Variants in EPB41L1 observed in about 807,000 individuals in gnomAD.
EPB41L1 encodes the protein erythrocyte membrane protein band 4.1 like 1, also known as band 4.1-like protein 1.
In EPB41L1, 29 loss-of-function variants were observed where a neutral mutation model predicts 97.8. The ratio of observed to expected loss-of-function variants is 0.30; its 90% CI spans 0.22 to 0.40. EPB41L1 has a LOEUF of 0.40. EPB41L1 is among the 10% of genes least tolerant of loss of function. The pLI, the probability that EPB41L1 is intolerant of heterozygous loss-of-function variation, is 1.00. For missense variants in EPB41L1, 812 were observed against 1,162.3 expected (o/e 0.70, Z 4.38); for synonymous variants, 383 against 459.2 (o/e 0.83, Z 2.12).
At chr20:36,099,996 A>C (rs892919874) in intron 1 of EPB41L1, among the ~76,000 whole-genome samples, 1 of 151,816 alleles carries the variant, frequency 6.6e-6, no homozygotes, top group Non-Finnish European at 1.5e-5. Context: ...TTCTGTTATC[A>C]CTCTGGCTAT....
intron 1 of EPB41L1, among the ~76,000 whole-genome samples, chr20:36,172,704 G>A (rs1470252103): frequency 6.6e-6 from 1 of 152,114 alleles, no homozygotes; most frequent in African/African-American, 2.4e-5. Flanking sequence ...AGGTTCAAGC[G>A]ATTCTCCTGC....
chr20:36,180,487 G>A (rs1467146062), intron 5 of EPB41L1, among the ~76,000 whole-genome samples: 1 of 152,160 alleles, frequency 6.6e-6, no homozygotes, highest in Non-Finnish European at 1.5e-5. Context: ...AATGACATAT[G>A]TATGGACAGC....
upstream of EPB41L1, chr20:36,154,594 C>A (rs2060201820): frequency 2.7e-6 from 2 of 734,066 alleles, no homozygotes; most frequent in Non-Finnish European, 3.3e-6. This position sits in a 1 kb window ranked among gnomAD's most constrained non-coding sequence, Gnocchi z 5.5. Flanking sequence ...GGGAGGCAGG[C>A]GCAAGCGGCG....
rs1297168552 is a variant in EPB41L1, at chr20:36,190,979, C to G, written c.1300+182C>G. ...CAGCTCTTGGTGGCTTAGTCCCAAC[C>G]TAGAGCTCACTCCCACTTGAGATGT... On this transcript the variant is annotated intron_variant, in intron 11 of 21. Coordinates refer to ENST00000338074, the MANE Select transcript of EPB41L1 (RefSeq NM_012156.2). The surrounding 1 kb of genome is among the most constrained non-coding windows in gnomAD (Gnocchi z 5.8). 6.6e-6 allele frequency among the ~76,000 whole-genome samples: 1 copy of G among 152,150 alleles called. No homozygotes were observed. Among genetic ancestry groups the G allele is most frequent in the Non-Finnish European group, 1.5e-5 (1 of 68,028 alleles).
chr20:36,197,749 A>G lies in EPB41L1; in HGVS notation c.1486-110A>G, dbSNP rs1034894352. 1.3e-5 allele frequency: 21 copies of G among 1,599,848 alleles called. 1 individual carries two copies. The highest frequency in any genetic ancestry group is 6.8e-5 in the East Asian group (3 of 44,348). On this transcript the variant is annotated intron_variant, in intron 13 of 21. Transcript: ENST00000338074. ...GAGTGACACAGGTCAGAGTGGGAAT[A>G]ACGTTGCTGGTGGAGGGTGGTGATG...
At chr20:36,169,198 G>A (rs1239690413) in intron 1 of EPB41L1, among the ~76,000 whole-genome samples, 1 of 151,102 alleles carries the variant, frequency 6.6e-6, no homozygotes, top group African/African-American at 2.4e-5. Flanking sequence ...CTCTAGTCTG[G>A]GTGACAGAGC....
chr20:36,232,486 CTTATT>C lies in EPB41L1; in HGVS notation c.*3149_*3153del. ...GCTATCTCATGGGTCTTCATTTTCT[CTTATT>C]TTGTTTTCTCTGGATCTTTTCCATC... On this transcript the variant is annotated 3_prime_UTR_variant, in exon 22 of 22. Coordinates refer to ENST00000338074, the MANE Select transcript of EPB41L1 (RefSeq NM_012156.2). The C allele has an allele frequency of 2.5e-6, 1 of 398,008 alleles. No individual in the cohort carries two copies. Among genetic ancestry groups the C allele is most frequent in the Admixed American group, 4.4e-5 (1 of 22,726 alleles). The allele number at this position is 398,008 out of a possible 1,614,324, so 24.7% of individuals were successfully genotyped here. A position where few individuals can be genotyped will look rare whatever the true frequency, so the allele number is the denominator to read the frequency against.
chr20:36,174,528 C>T (rs2061141642), intron 2 of EPB41L1, among the ~76,000 whole-genome samples: 1 of 152,056 alleles, frequency 6.6e-6, no homozygotes, highest in African/African-American at 2.4e-5. Context: ...CTGCCTTGGA[C>T]TCCCAAAGTG....
At chr20:36,169,024 G>A (rs1232453419) in intron 1 of EPB41L1, among the ~76,000 whole-genome samples, 3 of 151,132 alleles carry the variant, frequency 2.0e-5, no homozygotes, top group Non-Finnish European at 4.4e-5. Flanking sequence ...TCAGGAGTTC[G>A]AGACCAACCT....
chr20:36,197,790 A>G, intron 13 of EPB41L1, 69 bp from the exon 14 acceptor site: 4 of 1,613,238 alleles, frequency 2.5e-6, no homozygotes, highest in Non-Finnish European at 3.4e-6. Flanking sequence ...TGCTGCCATC[A>G]TCCCTGCACC....
intron 14 of EPB41L1, chr20:36,205,871 TAGAA>T: frequency 8.5e-6 from 11 of 1,289,496 alleles, no homozygotes; most frequent in Non-Finnish European, 1.1e-5. Flanking sequence ...TGGGTATTTA[TAGAA>T]AGAGAGTACA....
chr20:36,232,292 T>C lies in EPB41L1; in HGVS notation c.*2952T>C. ...CCACCCAGGAGGCCATGTAGCATAG[T>C]GGAAAAAGTCCCTGAGGGCGGTTAG... is the stretch of plus-strand genomic sequence containing the variant. On this transcript the variant is annotated 3_prime_UTR_variant, in exon 22 of 22. Coordinates refer to ENST00000338074, the MANE Select transcript of EPB41L1 (RefSeq NM_012156.2). The C allele has an allele frequency of 3.6e-6, 1 of 274,384 alleles. No homozygotes were observed. Among genetic ancestry groups the C allele is most frequent in the Non-Finnish European group, 6.8e-6 (1 of 147,940 alleles). The allele number at this position is 274,384 out of a possible 1,614,324, so 17.0% of individuals were successfully genotyped here.
chr20:36,118,083 G>A (rs1339423640), intron 2 of EPB41L1, among the ~76,000 whole-genome samples: 1 of 152,224 alleles, frequency 6.6e-6, no homozygotes, highest in Non-Finnish European at 1.5e-5. Flanking sequence ...GGGAAACTGA[G>A]GCAAGGGTCA....
intron 1 of EPB41L1, among the ~76,000 whole-genome samples, chr20:36,167,125 G>A (rs1161813162): frequency 6.6e-6 from 1 of 152,150 alleles, no homozygotes; most frequent in East Asian, 1.9e-4. Context: ...GGGTGGTCAA[G>A]GGGCACACAG....
rs972064381 is a variant in EPB41L1 at position 36,223,086 on chromosome 20, C to T, written c.2637+692C>T. The stretch of plus-strand genomic sequence containing the variant: ...TAATATTTTGTATTTTTAGTAAAGA[C>T]GTGGTTTCACCGTGTTAGCCAGGAT... On this transcript the variant is annotated intron_variant, in intron 21 of 21. Coordinates refer to ENST00000338074, the MANE Select transcript of EPB41L1 (RefSeq NM_012156.2). 3.9e-5 allele frequency among the ~76,000 whole-genome samples: 6 copies of T among 152,200 alleles called. No individual in the cohort carries two copies. The South Asian group carries it at 1.0e-3, about 26-fold the overall frequency.
intron 2 of EPB41L1, among the ~76,000 whole-genome samples, chr20:36,139,326 T>C (rs1159058847): frequency 1.3e-5 from 2 of 152,350 alleles, no homozygotes; most frequent in East Asian, 3.8e-4. Flanking sequence ...TTTTCAAAAC[T>C]ATCAGAGCAA....
intron 2 of EPB41L1, among the ~76,000 whole-genome samples, chr20:36,117,021 GT>G (rs1414090188): frequency 1.3e-5 from 2 of 152,340 alleles, no homozygotes; most frequent in East Asian, 3.9e-4. Context: ...GACAAATGCA[GT>G]TGTCACATGA....
intron 2 of EPB41L1, among the ~76,000 whole-genome samples, chr20:36,135,798 C>T (rs2059395156): frequency 2.0e-5 from 3 of 152,174 alleles, no homozygotes; most frequent in African/African-American, 7.2e-5. Flanking sequence ...TTTACTGTTT[C>T]CTTGAGGATT....
rs1006960007 is a variant in EPB41L1 at position 36,170,918 on chromosome 20, C to A, written c.-14-2846C>A. Among the ~76,000 whole-genome samples the A allele has an allele frequency of 9.9e-5, 15 of 152,102 alleles. 1 individual carries two copies. The highest frequency in any genetic ancestry group is 1.5e-5 in the Non-Finnish European group (1 of 68,020). ...GCTGCCAGCGGGCTCTGCTGGAGAC[C>A]CAGGCAGAGGAAGACTGGGATATTT... On this transcript the variant is annotated intron_variant, in intron 1 of 21. Coordinates refer to ENST00000338074, the MANE Select transcript of EPB41L1 (RefSeq NM_012156.2).
Sources: gnomAD v4.1 joint callset for allele counts (sites outside exome capture counted in the v4.1 genomes callset) on GRCh38, gnomAD v4.1.1 for gene constraint, Gnocchi (gnomAD v3.1) non-coding constraint, MANE v1.5 for transcripts, NCBI Gene and HGNC (gene_info 2026-07-23, HGNC 2026-07-21) for gene names.